Variants in CDH18 observed in about 807,000 individuals in gnomAD.
The protein encoded by CDH18 is cadherin-18.
CDH18 carries 31 observed loss-of-function variants against 67.9 expected under a neutral mutation model. The ratio of observed to expected loss-of-function variants is 0.46; its 90% CI spans 0.34 to 0.62. The LOEUF (loss-of-function observed/expected upper bound fraction) is 0.62, where lower values mean the gene tolerates loss of function less well. Ranked by LOEUF, CDH18 falls within the 20% of genes least tolerant of loss-of-function variation. The probability of loss-of-function intolerance (pLI) is 0.01; values close to 1 mark genes in which losing one functional copy is unlikely to be tolerated. For missense variants in CDH18, 890 were observed against 975.5 expected (o/e 0.91, Z 1.17); for synonymous variants, 362 against 347.2 (o/e 1.04, Z -0.48).
intron 1 of CDH18, among the ~76,000 whole-genome samples, chr5:20,418,445 G>A (rs1747533185): frequency 6.6e-6 from 1 of 151,184 alleles, no homozygotes; most frequent in African/African-American, 2.4e-5. Flanking sequence ...ACTCCTCCAG[G>A]GGAGAGTCGG....
chr5:20,309,483 C>A (rs930856650), intron 1 of CDH18, among the ~76,000 whole-genome samples: 1 of 151,960 alleles, frequency 6.6e-6, no homozygotes, highest in Non-Finnish European at 1.5e-5. Flanking sequence ...AGAAAAAAAA[C>A]ACATAAATTC....
intron 5 of CDH18, among the ~76,000 whole-genome samples, chr5:19,641,836 G>C (rs551573092): frequency 2.0e-5 from 3 of 150,812 alleles, no homozygotes; most frequent in Admixed American, 6.6e-5. Flanking sequence ...AATTCAACAA[G>C]AAAAAAATAA....
intron 2 of CDH18, among the ~76,000 whole-genome samples, chr5:20,190,532 T>A (rs993009387): frequency 3.3e-5 from 5 of 152,060 alleles, no homozygotes; most frequent in African/African-American, 1.2e-4. Flanking sequence ...CTGGATGGTA[T>A]TTTTTTAATC....
At chr5:19,999,687 C>T (rs866386710) in intron 2 of CDH18, among the ~76,000 whole-genome samples, 2 of 152,050 alleles carry the variant, frequency 1.3e-5, no homozygotes, top group Admixed American at 6.6e-5. Flanking sequence ...CCAGGACTAG[C>T]TACATAATTG....
intron 2 of CDH18, among the ~76,000 whole-genome samples, chr5:20,054,206 A>G (rs953071668): frequency 7.9e-5 from 12 of 152,150 alleles, no homozygotes; most frequent in Non-Finnish European, 1.5e-4. Flanking sequence ...ATCCCCAAAT[A>G]TAAGGTACAT....
At chr5:20,421,899 T>C (rs78563971) in intron 1 of CDH18, among the ~76,000 whole-genome samples, 2,513 of 150,718 alleles carry the variant, frequency 0.017, 54 homozygotes, top group Middle Eastern at 0.079. Context: ...TAGTACACAT[T>C]GTACTAATAT....
Position 19,484,445 on chromosome 5 carries a change from C to T in CDH18, c.1631-893G>A, listed in dbSNP as rs527700874. ...CCAAATGGTATTGATGTCCGCAGTG[C>T]GCATAATATATGTTTCATTGTACTG... On this transcript the variant is annotated intron_variant, in intron 11 of 12. Coordinates refer to ENST00000382275, the MANE Select transcript of CDH18 (RefSeq NM_004934.5). 4.3e-4 allele frequency among the ~76,000 whole-genome samples: 65 copies of T among 152,226 alleles called. 4 individuals carry two copies. The South Asian group carries it at 0.01, about 24-fold the overall frequency.
At chr5:19,564,722 C>T (rs1740049104) in intron 8 of CDH18, among the ~76,000 whole-genome samples, 1 of 152,240 alleles carries the variant, frequency 6.6e-6, no homozygotes, top group African/African-American at 2.4e-5. Context: ...TGGATACCAG[C>T]TTGACCACAG....
At chr5:20,305,657 G>C (rs13155541) in intron 1 of CDH18, 1 of 421,538 alleles carries the variant, frequency 2.4e-6, no homozygotes, top group South Asian at 2.2e-5. Context: ...GGTGGGGGGA[G>C]CGGCGGTAGG....
intron 6 of CDH18, among the ~76,000 whole-genome samples, chr5:19,612,084 AG>A (rs1749068919): frequency 6.6e-6 from 1 of 152,160 alleles, no homozygotes. Flanking sequence ...TTGCATGAAA[AG>A]AATGTTCACA....
At chr5:20,151,182 A>G (rs963436240) in intron 2 of CDH18, among the ~76,000 whole-genome samples, 1 of 151,728 alleles carries the variant, frequency 6.6e-6, no homozygotes, top group African/African-American at 2.4e-5. Flanking sequence ...CGTAGTGTCT[A>G]TTGATTTTAT....
At chr5:20,252,568 C>G (rs904939223) in intron 2 of CDH18, among the ~76,000 whole-genome samples, 4 of 152,032 alleles carry the variant, frequency 2.6e-5, no homozygotes, top group African/African-American at 9.7e-5. Flanking sequence ...TGAACTACAA[C>G]AAAATTCTAG....
chr5:19,799,171 T>C lies in CDH18; in HGVS notation c.228+39588A>G, dbSNP rs142778690. Among the ~76,000 whole-genome samples the C allele has an allele frequency of 3.9e-5, 6 of 152,102 alleles. No homozygotes were observed. In the East Asian group the frequency reaches 1.2e-3, roughly 29 times the overall value. On this transcript the variant is annotated intron_variant, in intron 3 of 12. Transcript: ENST00000382275. ...TCACAGAAGAGCAAATACTACATCATTTCACTTATATGGGATATCTAAAAT... is the reference window on the plus strand; with the variant it reads ...TCACAGAAGAGCAAATACTACATCACTTCACTTATATGGGATATCTAAAAT...
At chr5:19,607,967 C>A (rs1202813634) in intron 6 of CDH18, among the ~76,000 whole-genome samples, 1 of 151,294 alleles carries the variant, frequency 6.6e-6, no homozygotes, top group Admixed American at 6.6e-5. Context: ...TCAAAGCCTT[C>A]GATCTGTGTG....
At chr5:20,420,237 C>T (rs1747757052) in intron 1 of CDH18, among the ~76,000 whole-genome samples, 1 of 151,204 alleles carries the variant, frequency 6.6e-6, no homozygotes, top group Non-Finnish European at 1.5e-5. Context: ...CTGATGCTCT[C>T]TGCACGAAAC....
At chr5:19,533,276 T>C (rs1396137988) in intron 9 of CDH18, among the ~76,000 whole-genome samples, 1 of 152,210 alleles carries the variant, frequency 6.6e-6, no homozygotes, top group African/African-American at 2.4e-5. Context: ...GTTAATCGTA[T>C]CAAATGTTGA....
At chr5:20,543,041 T>C (rs911631226) in intron 1 of CDH18, among the ~76,000 whole-genome samples, 3 of 152,070 alleles carry the variant, frequency 2.0e-5, no homozygotes, top group African/African-American at 4.8e-5. Flanking sequence ...AAAATCAAGA[T>C]TGTTTTGCTG....
chr5:20,298,257 A>C (rs960154184), intron 1 of CDH18, among the ~76,000 whole-genome samples: 1 of 152,194 alleles, frequency 6.6e-6, no homozygotes, highest in African/African-American at 2.4e-5. Context: ...TAAAACTCAA[A>C]AAATTATAAT....
chr5:19,894,929 T>G (rs1293909262), intron 2 of CDH18, among the ~76,000 whole-genome samples: 2 of 152,186 alleles, frequency 1.3e-5, no homozygotes, highest in African/African-American at 4.8e-5. Flanking sequence ...TTCTCTCTGA[T>G]GTACACAGAT....
Sources: gnomAD v4.1 joint callset for allele counts (sites outside exome capture counted in the v4.1 genomes callset) on GRCh38, gnomAD v4.1.1 for gene constraint, MANE v1.5 for transcripts, NCBI Gene and HGNC (gene_info 2026-07-23, HGNC 2026-07-21) for gene names.